ATRNL1: variants seen among roughly 807,000 people sequenced by gnomAD.
ATRNL1 encodes the protein attractin like 1, also known as attractin-like protein 1.
Under a neutral mutation model 182.7 loss-of-function variants are expected in ATRNL1, and 95 were observed. The ratio of observed to expected loss-of-function variants is 0.52; its 90% CI spans 0.44 to 0.62. The LOEUF (loss-of-function observed/expected upper bound fraction) is 0.62, where lower values mean the gene tolerates loss of function less well. Ranked by LOEUF, ATRNL1 falls within the 20% of genes least tolerant of loss-of-function variation. ATRNL1 has a pLI of 0.00. For missense variants in ATRNL1, 1,471 were observed against 1,679.5 expected, an observed-to-expected ratio of 0.88 and a Z score of 2.17; for synonymous variants, 576 against 568.3, an observed-to-expected ratio of 1.01 and a Z score of -0.19.
intron 5 of ATRNL1, among the ~76,000 whole-genome samples, chr10:115,133,357 G>T (rs368832925): frequency 6.6e-6 from 1 of 151,576 alleles, no homozygotes; most frequent in Non-Finnish European, 1.5e-5. Flanking sequence ...GTTTGAAGTC[G>T]GGTAGCAAAT....
Position 115,315,562 on chromosome 10 carries a change from C to T in ATRNL1, c.2863C>T (p.Gln955Ter). Reference protein sequence around the residue: ...GLRTCGQCLEQPGCGWCNDPS... With the variant: ...GLRTCGQCLE The stretch of plus-strand genomic sequence containing the variant: ...GAGAACCTGTGGACAGTGTTTGGAA[C>T]AGCCTGGATGTGGCTGGTGCAATGA... Residue 955 changes from glutamine (Q) to a stop codon, truncating the protein, a stop_gained, in exon 18 of 29, where the codon CAG (glutamine) becomes TAG (stop). Coordinates refer to ENST00000355044, the MANE Select transcript of ATRNL1 (RefSeq NM_207303.4). LOFTEE classifies it high-confidence loss of function. 2 of 1,613,808 alleles carry T rather than the reference C, an allele frequency of 1.2e-6. No homozygotes were observed. The highest frequency in any genetic ancestry group is 1.7e-6 in the Non-Finnish European group (2 of 1,179,876).
At chr10:115,779,620 T>A (rs936834911) in intron 27 of ATRNL1, among the ~76,000 whole-genome samples, 1 of 152,216 alleles carries the variant, frequency 6.6e-6, no homozygotes, top group African/African-American at 2.4e-5. Flanking sequence ...TTAGGAGGAC[T>A]GTGCATATAT....
chr10:115,424,468 A>G (rs1228687804), intron 20 of ATRNL1, among the ~76,000 whole-genome samples: 2 of 152,202 alleles, frequency 1.3e-5, no homozygotes, highest in South Asian at 2.1e-4. Context: ...TATTTTGAAG[A>G]TACATCTGTA....
intron 28 of ATRNL1, among the ~76,000 whole-genome samples, chr10:115,856,298 G>T (rs1381663533): frequency 2.0e-5 from 3 of 151,642 alleles, no homozygotes; most frequent in African/African-American, 7.3e-5. Context: ...CGTGGTGGCA[G>T]ATGCCCGTAA....
chr10:115,760,049 G>A (rs1321415058), intron 27 of ATRNL1, among the ~76,000 whole-genome samples: 2 of 151,294 alleles, frequency 1.3e-5, no homozygotes, highest in East Asian at 3.9e-4. Flanking sequence ...AAAATTTACA[G>A]AAATAAAAAT....
At chr10:115,913,116 G>A (rs1555116333) in intron 28 of ATRNL1, among the ~76,000 whole-genome samples, 7 of 152,206 alleles carry the variant, frequency 4.6e-5, no homozygotes. Flanking sequence ...TGGATAACAG[G>A]CTGCAAAAGT....
chr10:115,114,939 A>G (rs1156459908), intron 1 of ATRNL1, among the ~76,000 whole-genome samples: 1 of 152,164 alleles, frequency 6.6e-6, no homozygotes, highest in East Asian at 1.9e-4. Context: ...TCACATGTTC[A>G]TTGCAGCATT....
intron 28 of ATRNL1, among the ~76,000 whole-genome samples, chr10:115,916,513 A>AT (rs1555117284): frequency 6.6e-6 from 1 of 152,220 alleles, no homozygotes. Flanking sequence ...GACAGGGAAC[A>AT]TGGTGCTATG....
chr10:115,377,210 G>A (rs1272000923), intron 19 of ATRNL1, among the ~76,000 whole-genome samples: 2 of 152,022 alleles, frequency 1.3e-5, no homozygotes, highest in African/African-American at 4.8e-5. Context: ...GTTGTGGGAG[G>A]GACCCAGTGG....
intron 27 of ATRNL1, among the ~76,000 whole-genome samples, chr10:115,771,512 G>A (rs890140860): frequency 6.6e-6 from 1 of 152,196 alleles, no homozygotes; most frequent in African/African-American, 2.4e-5. Flanking sequence ...TTACAGGCGT[G>A]AGCCACCGCG....
intron 28 of ATRNL1, among the ~76,000 whole-genome samples, chr10:115,859,613 G>T (rs1203953713): frequency 6.6e-6 from 1 of 152,162 alleles, no homozygotes; most frequent in South Asian, 2.1e-4. Flanking sequence ...CATTTTTCTG[G>T]GGGTCACCTC....
intron 20 of ATRNL1, among the ~76,000 whole-genome samples, chr10:115,398,338 C>A (rs905991062): frequency 6.6e-6 from 1 of 151,848 alleles, no homozygotes; most frequent in Admixed American, 6.6e-5. Context: ...CACAGCTGAT[C>A]GTCAAAAATT....
At chr10:115,488,190 G>A (rs1217303877) in intron 24 of ATRNL1, among the ~76,000 whole-genome samples, 3 of 151,938 alleles carry the variant, frequency 2.0e-5, no homozygotes, top group African/African-American at 7.2e-5. Context: ...TTTTCCTTTT[G>A]CTGTGTCTCT....
At chr10:115,861,206 T>TC (rs1253038272) in intron 28 of ATRNL1, among the ~76,000 whole-genome samples, 5 of 152,084 alleles carry the variant, frequency 3.3e-5, no homozygotes, top group Non-Finnish European at 7.4e-5. Context: ...ATGAAACTAG[T>TC]CCCCATGTTT....
At chr10:115,312,023 G>A (rs1854060804) in intron 17 of ATRNL1, among the ~76,000 whole-genome samples, 1 of 151,946 alleles carries the variant, frequency 6.6e-6, no homozygotes, top group South Asian at 2.1e-4. Flanking sequence ...GTCTCTTGAA[G>A]ATAGCAGATA....
intron 28 of ATRNL1, among the ~76,000 whole-genome samples, chr10:115,899,331 G>A (rs1021143340): frequency 6.6e-6 from 1 of 151,996 alleles, no homozygotes; most frequent in Non-Finnish European, 1.5e-5. Context: ...TTTTTGAGAC[G>A]GAGTTTCGCT....
chr10:115,859,111 C>T (rs1378940682), intron 28 of ATRNL1, among the ~76,000 whole-genome samples: 1 of 152,068 alleles, frequency 6.6e-6, no homozygotes, highest in Non-Finnish European at 1.5e-5. Flanking sequence ...TGAAGCTCCA[C>T]TCTCTTGCCC....
intron 8 of ATRNL1, among the ~76,000 whole-genome samples, chr10:115,172,073 G>C (rs970033845): frequency 6.6e-6 from 1 of 152,014 alleles, no homozygotes. Context: ...GTCTTAATGA[G>C]AAAACTCATT....
Position 115,126,126 on chromosome 10 carries a change from C to T in ATRNL1, c.492-1467C>T, listed in dbSNP as rs567454778. 1.2e-4 allele frequency among the ~76,000 whole-genome samples: 18 copies of T among 151,796 alleles called. No individual in the cohort carries two copies. In the South Asian group the frequency reaches 3.6e-3, roughly 30 times the overall value. ...AGGCTGGAGTGCAGTGGTGTGATCT[C>T]GGCTCACTGCAACCTCCACCTCCCA... On this transcript the variant is annotated intron_variant, in intron 3 of 28. Coordinates refer to ENST00000355044, the MANE Select transcript of ATRNL1 (RefSeq NM_207303.4).
Sources: gnomAD v4.1 joint callset for allele counts (sites outside exome capture counted in the v4.1 genomes callset) on GRCh38, gnomAD v4.1.1 for gene constraint, MANE v1.5 for transcripts, NCBI Gene and HGNC (gene_info 2026-07-23, HGNC 2026-07-21) for gene names.